The following ENOX1 variants were observed in gnomAD, a reference collection of about 807,000 sequenced individuals.
ENOX1 encodes the protein candidate growth-related and time keeping constitutive hydroquinone (NADH) oxidase.
A neutral mutation model predicts 82.5 loss-of-function variants in ENOX1; 42 were observed. That is an observed-to-expected ratio of 0.51 (90% confidence interval 0.40 to 0.66). The LOEUF (loss-of-function observed/expected upper bound fraction) is 0.66. Among genes scored for constraint, ENOX1 ranks in the 30% least tolerant of loss-of-function variants. The pLI is 0.00. For synonymous variants in ENOX1, 271 were observed against 282.2 expected, an observed-to-expected ratio of 0.96 and a Z score of 0.40; for missense variants, 608 against 811.6, an observed-to-expected ratio of 0.75 and a Z score of 3.05.
intron 1 of ENOX1, among the ~76,000 whole-genome samples, chr13:43,718,645 C>T (rs1199111445): frequency 1.5e-5 from 2 of 134,178 alleles, no homozygotes; most frequent in African/African-American, 5.9e-5. Context: ...CCACTGCACT[C>T]CAGCCTGGGA....
At chr13:43,240,816 C>T (rs138371032) in intron 14 of ENOX1, among the ~76,000 whole-genome samples, 34 of 152,246 alleles carry the variant, frequency 2.2e-4, no homozygotes, top group African/African-American at 8.2e-4. Flanking sequence ...TTTTATGGGG[C>T]CTTTCTCTGG....
intron 5 of ENOX1, among the ~76,000 whole-genome samples, chr13:43,402,248 T>C (rs2153590900): frequency 6.6e-6 from 1 of 152,298 alleles, no homozygotes; most frequent in Middle Eastern, 3.4e-3. Flanking sequence ...TGCTCAATTA[T>C]GAGAAAAATA....
intron 1 of ENOX1, among the ~76,000 whole-genome samples, chr13:43,730,903 A>G (rs894917725): frequency 9.2e-5 from 14 of 152,150 alleles, no homozygotes; most frequent in Admixed American, 6.5e-5. Flanking sequence ...CATCTGGGAT[A>G]GTCTAGCTAT....
At chr13:43,537,060 C>T (rs4533166) in intron 2 of ENOX1, among the ~76,000 whole-genome samples, 86,722 of 152,002 alleles carry the variant, frequency 0.57, 25,257 homozygotes, top group East Asian at 0.83. Flanking sequence ...TCTTTGAATA[C>T]TGAGAGACTG....
chr13:43,712,134 A>G (rs2087764802), intron 1 of ENOX1, among the ~76,000 whole-genome samples: 1 of 149,830 alleles, frequency 6.7e-6, no homozygotes, highest in Admixed American at 6.7e-5. Context: ...TCAGCTTTCT[A>G]CATACGGCTA....
intron 2 of ENOX1, among the ~76,000 whole-genome samples, chr13:43,573,742 G>A (rs1223142230): frequency 6.6e-6 from 1 of 152,054 alleles, no homozygotes; most frequent in Non-Finnish European, 1.5e-5. Flanking sequence ...CAAACCCATA[G>A]TATATTGTTC....
chr13:43,646,578 G>A (rs989885667), intron 2 of ENOX1, among the ~76,000 whole-genome samples: 8 of 152,152 alleles, frequency 5.3e-5, no homozygotes, highest in Admixed American at 2.0e-4. Context: ...TATTAGAATC[G>A]TCATCTGTAC....
At chr13:43,400,028 T>A (rs567260011) in intron 5 of ENOX1, among the ~76,000 whole-genome samples, 1 of 152,102 alleles carries the variant, frequency 6.6e-6, no homozygotes, top group East Asian at 1.9e-4. Flanking sequence ...CTCCTGAAAA[T>A]GCTCATGCCT....
chr13:43,775,690 GCT>G (rs1951876815), intron 1 of ENOX1, among the ~76,000 whole-genome samples: 1 of 152,112 alleles, frequency 6.6e-6, no homozygotes, highest in Non-Finnish European at 1.5e-5. Flanking sequence ...CCAGCTTCCT[GCT>G]CTCTCTGCTT....
intron 2 of ENOX1, among the ~76,000 whole-genome samples, chr13:43,646,103 G>T (rs1054090805): frequency 1.4e-4 from 21 of 152,206 alleles, no homozygotes; most frequent in African/African-American, 4.8e-4. Flanking sequence ...CAGGTATGAA[G>T]TAACCACCTG....
rs74069212 is a variant in ENOX1, at chr13:43,707,969, G to T, written c.-284-40425C>A. ...GTCCCCCTTATACTAGGAATGTCAG[G>T]ACACCATCAGGTGATGGCTAGACAG... On this transcript the variant is annotated intron_variant, in intron 1 of 16. Coordinates refer to ENST00000690772, the MANE Select transcript of ENOX1 (RefSeq NM_001347969.2). Among the ~76,000 whole-genome samples, 1,048 of 152,164 alleles carry T rather than the reference G, an allele frequency of 6.9e-3. 14 individuals carry two copies. The highest frequency in any genetic ancestry group is 0.024 in the African/African-American group (1,017 of 41,528).
intron 2 of ENOX1, among the ~76,000 whole-genome samples, chr13:43,494,372 A>G (rs2076722883): frequency 6.6e-6 from 1 of 152,196 alleles, no homozygotes; most frequent in African/African-American, 2.4e-5. Context: ...GACCACGTAC[A>G]TCATGTTTGC....
intron 1 of ENOX1, among the ~76,000 whole-genome samples, chr13:43,729,144 C>G (rs533362973): frequency 1.4e-4 from 22 of 152,278 alleles, no homozygotes; most frequent in African/African-American, 5.3e-4. Context: ...GAATATGGAA[C>G]AGAAAATTCA....
chr13:43,525,965 T>G (rs1185939334), intron 2 of ENOX1, among the ~76,000 whole-genome samples: 3 of 152,170 alleles, frequency 2.0e-5, no homozygotes, highest in African/African-American at 7.2e-5. Flanking sequence ...TTTTTTAAGT[T>G]GGTTGGTTCT....
Position 43,231,719 on chromosome 13 carries a change from G to A in ENOX1, c.1714+4917C>T, listed in dbSNP as rs191758185. Among the ~76,000 whole-genome samples, 200 of 152,244 alleles carry A rather than the reference G, an allele frequency of 1.3e-3. 1 individual carries two copies. The highest frequency in any genetic ancestry group is 4.5e-3 in the African/African-American group (187 of 41,532). The stretch of plus-strand genomic sequence containing the variant: ...GTAGCATAAGTAGCTCCTTCTCTGT[G>A]TCTCTGATTTTACTACGAACCACAG... On this transcript the variant is annotated intron_variant, in intron 15 of 16. Transcript: ENST00000690772.
intron 14 of ENOX1, among the ~76,000 whole-genome samples, chr13:43,253,020 G>A (rs1004524496): frequency 1.3e-5 from 2 of 152,216 alleles, no homozygotes; most frequent in African/African-American, 2.4e-5. Context: ...CACCAAACAT[G>A]TTACTTGTAG....
At chr13:43,744,148 C>T (rs576640187) in intron 1 of ENOX1, among the ~76,000 whole-genome samples, 3 of 152,264 alleles carry the variant, frequency 2.0e-5, no homozygotes, top group Admixed American at 2.0e-4. Flanking sequence ...ATCCTAGAAA[C>T]AACTTCCATT....
chr13:43,511,967 T>C (rs2077385773), intron 2 of ENOX1, among the ~76,000 whole-genome samples: 1 of 152,162 alleles, frequency 6.6e-6, no homozygotes, highest in African/African-American at 2.4e-5. Flanking sequence ...GGATATTATA[T>C]ATATATACAC....
At chr13:43,569,851 T>C (rs2080096827) in intron 2 of ENOX1, among the ~76,000 whole-genome samples, 1 of 152,184 alleles carries the variant, frequency 6.6e-6, no homozygotes, top group South Asian at 2.1e-4. Flanking sequence ...GACTTGGTTT[T>C]GAAAACCCAG....
Sources: gnomAD v4.1 joint callset for allele counts (sites outside exome capture counted in the v4.1 genomes callset) on GRCh38, gnomAD v4.1.1 for gene constraint, MANE v1.5 for transcripts, NCBI Gene and HGNC (gene_info 2026-07-23, HGNC 2026-07-21) for gene names.